The following LRP1B variants were observed in gnomAD, a reference collection of about 807,000 sequenced individuals.
The protein encoded by LRP1B is LDL receptor related protein 1B.
In LRP1B, 217 loss-of-function variants were observed where a neutral mutation model predicts 556.6. The ratio of observed to expected loss-of-function variants is 0.39; its 90% CI spans 0.35 to 0.44. The LOEUF is 0.44. LRP1B is among the 20% of genes least tolerant of loss of function. The probability of loss-of-function intolerance (pLI) is 1.00; values close to 1 mark genes in which losing one functional copy is unlikely to be tolerated. For missense variants in LRP1B, 5,053 were observed against 5,620.8 expected, an observed-to-expected ratio of 0.90 and a Z score of 3.23; for synonymous variants, 2,047 against 1,865.8, an observed-to-expected ratio of 1.10 and a Z score of -2.50.
At chr2:141,385,691 T>C (rs1395533359) in intron 3 of LRP1B, among the ~76,000 whole-genome samples, 1 of 152,192 alleles carries the variant, frequency 6.6e-6, no homozygotes, top group Non-Finnish European at 1.5e-5. Context: ...TCCTCATTCC[T>C]AGAGGACTCA....
At chr2:142,030,977 C>T (rs12623786) in intron 1 of LRP1B, among the ~76,000 whole-genome samples, 5,341 of 151,930 alleles carry the variant, frequency 0.035, 244 homozygotes, top group East Asian at 0.2. Flanking sequence ...TCTTATAGAC[C>T]TGTCAAAGAC....
chr2:140,604,638 G>A (rs935072933), intron 41 of LRP1B, among the ~76,000 whole-genome samples: 2 of 152,074 alleles, frequency 1.3e-5, no homozygotes, highest in Non-Finnish European at 2.9e-5. Context: ...AGGGAGTCAC[G>A]TCCATTAAAC....
At chr2:141,676,126 A>T (rs1690865909) in intron 2 of LRP1B, among the ~76,000 whole-genome samples, 1 of 151,838 alleles carries the variant, frequency 6.6e-6, no homozygotes, top group Non-Finnish European at 1.5e-5. Context: ...TTTAGTTGTT[A>T]TATCTTTTCT....
chr2:141,743,283 C>T lies in LRP1B; in HGVS notation c.205+66996G>A, dbSNP rs555288486. Among the ~76,000 whole-genome samples, 5 of 152,148 alleles carry T rather than the reference C, an allele frequency of 3.3e-5. No homozygotes were observed. The East Asian group carries it at 9.7e-4, about 29-fold the overall frequency. On this transcript the variant is annotated intron_variant, in intron 2 of 90. Coordinates refer to ENST00000389484, the MANE Select transcript of LRP1B (RefSeq NM_018557.3). The stretch of plus-strand genomic sequence containing the variant: ...CACCCTTGTATCCTTGGGATAAACC[C>T]ACTTGGCCATGATGAATTATCTTTG...
At chr2:140,935,291 C>T (rs554565419) in intron 20 of LRP1B, among the ~76,000 whole-genome samples, 13 of 152,032 alleles carry the variant, frequency 8.6e-5, no homozygotes, top group South Asian at 2.1e-4. Context: ...CAAGAAACAA[C>T]GGATGAACAA....
At chr2:141,011,027 GTT>G (rs569129540) in intron 14 of LRP1B, among the ~76,000 whole-genome samples, 1,484 of 142,998 alleles carry the variant, frequency 0.01, 29 homozygotes, top group African/African-American at 0.035. Context: ...AATAAATATA[GTT>G]TTTATATATA....
At chr2:141,594,694 A>G (rs1303487989) in intron 2 of LRP1B, among the ~76,000 whole-genome samples, 2 of 152,170 alleles carry the variant, frequency 1.3e-5, no homozygotes, top group Non-Finnish European at 2.9e-5. Flanking sequence ...ATAGCCAGTC[A>G]AATAAATTTC....
At chr2:141,175,697 C>T (rs1680702616) in intron 7 of LRP1B, among the ~76,000 whole-genome samples, 1 of 152,076 alleles carries the variant, frequency 6.6e-6, no homozygotes, top group African/African-American at 2.4e-5. Context: ...CACACAGAGT[C>T]CCCACTGGGG....
In LRP1B at chr2:141,166,096, G is replaced by A. The variant is rs143168496; in HGVS notation, c.1013+22325C>T. Among the ~76,000 whole-genome samples the A allele has an allele frequency of 4.9e-3, 744 of 151,700 alleles. 5 individuals carry two copies. Among genetic ancestry groups the A allele is most frequent in the Non-Finnish European group, 8.4e-3 (568 of 67,836 alleles). On this transcript the variant is annotated intron_variant, in intron 7 of 90. Transcript: ENST00000389484. ...ACTTTTGCTTCCTTACCCCACATAC[G>A]CTATGTTTTACCATAACACCCCTTT...
chr2:141,472,367 C>T (rs527408414), intron 3 of LRP1B, among the ~76,000 whole-genome samples: 1 of 152,110 alleles, frequency 6.6e-6, no homozygotes, highest in South Asian at 2.1e-4. Context: ...CAGTGAAATC[C>T]CGTCTGTACT....
intron 3 of LRP1B, among the ~76,000 whole-genome samples, chr2:141,407,587 G>C (rs1690688981): frequency 1.3e-5 from 2 of 152,076 alleles, no homozygotes; most frequent in Admixed American, 1.3e-4. Flanking sequence ...AGATCTGGTG[G>C]TTTAAAAATT....
chr2:141,809,375 AT>A (rs1011411828), intron 2 of LRP1B, among the ~76,000 whole-genome samples: 61 of 151,622 alleles, frequency 4.0e-4, no homozygotes, highest in African/African-American at 1.1e-3. Flanking sequence ...ATGAAGACGG[AT>A]TTTTTTTTCA....
intron 2 of LRP1B, among the ~76,000 whole-genome samples, chr2:141,705,000 A>G (rs867842646): frequency 1.2e-4 from 19 of 152,034 alleles, no homozygotes; most frequent in Middle Eastern, 3.4e-3. Flanking sequence ...ACTTTTTTTG[A>G]GACAAAACAT....
At chr2:141,493,831 T>G (rs766471807) in intron 2 of LRP1B, among the ~76,000 whole-genome samples, 15 of 152,200 alleles carry the variant, frequency 9.9e-5, no homozygotes, top group Non-Finnish European at 2.2e-4. Flanking sequence ...AAATCCTAAC[T>G]ATGGGCATGA....
intron 1 of LRP1B, among the ~76,000 whole-genome samples, chr2:141,947,494 A>T (rs575502767): frequency 8.0e-4 from 122 of 152,136 alleles, no homozygotes; most frequent in African/African-American, 2.8e-3. Context: ...ACTGTGCCCA[A>T]AACACCAAAT....
chr2:141,028,920 A>G (rs545029394), intron 11 of LRP1B, among the ~76,000 whole-genome samples: 1 of 152,156 alleles, frequency 6.6e-6, no homozygotes, highest in Non-Finnish European at 1.5e-5. Context: ...AATAATCACA[A>G]AAGAGAAAAA....
At chr2:141,391,546 C>T (rs1280717609) in intron 3 of LRP1B, among the ~76,000 whole-genome samples, 1 of 152,050 alleles carries the variant, frequency 6.6e-6, no homozygotes, top group Non-Finnish European at 1.5e-5. Flanking sequence ...TGAAGAGCCT[C>T]ATACACCATG....
At chr2:140,386,464 T>C (rs1683765017) in intron 66 of LRP1B, among the ~76,000 whole-genome samples, 1 of 152,212 alleles carries the variant, frequency 6.6e-6, no homozygotes, top group Admixed American at 6.5e-5. Flanking sequence ...GGAGCTCTTA[T>C]TCGTAACTGA....
chr2:140,380,701 T>A (rs1683433671), intron 67 of LRP1B, among the ~76,000 whole-genome samples: 1 of 152,182 alleles, frequency 6.6e-6, no homozygotes, highest in Non-Finnish European at 1.5e-5. Context: ...TTTGCCTTTA[T>A]CCTATTTAAA....
Sources: gnomAD v4.1 joint callset for allele counts (sites outside exome capture counted in the v4.1 genomes callset) on GRCh38, gnomAD v4.1.1 for gene constraint, MANE v1.5 for transcripts, NCBI Gene and HGNC (gene_info 2026-07-23, HGNC 2026-07-21) for gene names.